The following PSD3 variants were observed in gnomAD, a reference collection of about 807,000 sequenced individuals.
PSD3 encodes pleckstrin and Sec7 domain containing 3, also known as PH and SEC7 domain-containing protein 3.
A neutral mutation model predicts 105.5 loss-of-function variants in PSD3; 49 were observed. The ratio of observed to expected loss-of-function variants is 0.46; its 90% CI spans 0.37 to 0.59. PSD3 has a LOEUF of 0.59. Among genes scored for constraint, PSD3 ranks in the 20% least tolerant of loss-of-function variants. The probability of loss-of-function intolerance (pLI) is 0.00; values close to 1 mark genes in which losing one functional copy is unlikely to be tolerated. For synonymous variants in PSD3, 557 were observed against 457.8 expected (o/e 1.22, Z -2.77); for missense variants, 1,561 against 1,263.8 (o/e 1.24, Z -3.57).
chr8:18,986,528 T>C (rs537008744), intron 1 of PSD3, among the ~76,000 whole-genome samples: 47 of 145,748 alleles, frequency 3.2e-4, no homozygotes, highest in African/African-American at 1.0e-3. Flanking sequence ...AGGAAGTCCA[T>C]AAGCTCTTTC....
intron 2 of PSD3, among the ~76,000 whole-genome samples, chr8:18,933,615 A>G (rs1165135978): frequency 2.0e-5 from 3 of 152,044 alleles, no homozygotes; most frequent in African/African-American, 7.3e-5. Context: ...TTACAGGCAC[A>G]TGTCACCATG....
intron 8 of PSD3, among the ~76,000 whole-genome samples, chr8:18,767,077 G>A (rs763141094): frequency 7.2e-5 from 11 of 152,194 alleles, no homozygotes; most frequent in Non-Finnish European, 1.3e-4. Context: ...CACAGCCTCT[G>A]TTCGCAAAAC....
At chr8:18,719,024 T>C (rs1289509446) in intron 9 of PSD3, among the ~76,000 whole-genome samples, 3 of 152,204 alleles carry the variant, frequency 2.0e-5, no homozygotes, top group African/African-American at 7.2e-5. Context: ...TTAAAGAATG[T>C]AAGTGATAAC....
chr8:18,795,120 C>T (rs1320033716), intron 8 of PSD3, among the ~76,000 whole-genome samples: 4 of 152,094 alleles, frequency 2.6e-5, no homozygotes, highest in Admixed American at 6.6e-5. Flanking sequence ...TGTGACAAAA[C>T]CTAAACATAC....
chr8:18,893,623 A>C (rs901945672), intron 2 of PSD3, among the ~76,000 whole-genome samples: 1 of 152,030 alleles, frequency 6.6e-6, no homozygotes, highest in East Asian at 1.9e-4. Flanking sequence ...GCTAGAGGGC[A>C]GGGAAGCAGG....
chr8:18,746,438 C>T (rs1261713652), intron 9 of PSD3, among the ~76,000 whole-genome samples: 4 of 152,236 alleles, frequency 2.6e-5, no homozygotes, highest in Admixed American at 6.5e-5. Context: ...TCTAAGAGTT[C>T]GGAAACACCA....
At chr8:18,565,939 C>T (rs1159646466) in intron 14 of PSD3, among the ~76,000 whole-genome samples, 2 of 152,016 alleles carry the variant, frequency 1.3e-5, no homozygotes, top group African/African-American at 2.4e-5. Context: ...TTCACAGAGG[C>T]CCTCACGACA....
chr8:18,727,592 A>G (rs974762084), intron 9 of PSD3, among the ~76,000 whole-genome samples: 4 of 139,794 alleles, frequency 2.9e-5, no homozygotes, highest in Admixed American at 1.5e-4. Context: ...ACGCACGCAC[A>G]CACACACCCC....
At chr8:18,718,193 G>A (rs1802724040) in intron 9 of PSD3, among the ~76,000 whole-genome samples, 1 of 152,194 alleles carries the variant, frequency 6.6e-6, no homozygotes, top group East Asian at 1.9e-4. Flanking sequence ...CCCTCAACAA[G>A]GTTACCTTGT....
At chr8:18,552,268 C>G (rs1800812641) in intron 15 of PSD3, among the ~76,000 whole-genome samples, 1 of 152,170 alleles carries the variant, frequency 6.6e-6, no homozygotes, top group Non-Finnish European at 1.5e-5. Flanking sequence ...TTCCCTCTCC[C>G]TACTCAGGTC....
intron 15 of PSD3, among the ~76,000 whole-genome samples, chr8:18,541,819 C>G (rs983898593): frequency 6.6e-6 from 1 of 150,958 alleles, no homozygotes; most frequent in African/African-American, 2.4e-5. Flanking sequence ...GGGGCGATCT[C>G]GGCTCACTGC....
intron 4 of PSD3, among the ~76,000 whole-genome samples, chr8:18,866,032 G>A (rs1435422183): frequency 1.3e-5 from 2 of 152,132 alleles, no homozygotes; most frequent in African/African-American, 4.8e-5. Flanking sequence ...CACTCCCTGT[G>A]GCTTTTGCAG....
At chr8:19,016,775 G>A (rs1283746126), upstream of PSD3, among the ~76,000 whole-genome samples, 1 of 152,198 alleles carries the variant, frequency 6.6e-6, no homozygotes, top group Non-Finnish European at 1.5e-5. Flanking sequence ...TGGTGAGGGT[G>A]GTTCCATGGT....
chr8:18,812,652 A>C (rs1811794437), intron 4 of PSD3, among the ~76,000 whole-genome samples: 1 of 152,164 alleles, frequency 6.6e-6, no homozygotes, highest in South Asian at 2.1e-4. Flanking sequence ...CCAAGACATG[A>C]AAGACCAAAG....
chr8:18,730,636 G>A (rs775283356), intron 9 of PSD3, among the ~76,000 whole-genome samples: 1 of 152,096 alleles, frequency 6.6e-6, no homozygotes, highest in East Asian at 1.9e-4. Context: ...GATACTGTAC[G>A]CTATACACTG....
intron 4 of PSD3, among the ~76,000 whole-genome samples, chr8:18,815,957 G>C (rs760311207): frequency 2.0e-5 from 3 of 152,262 alleles, no homozygotes. Context: ...AAAGAGGAAA[G>C]AATTAGTACC....
intron 2 of PSD3, among the ~76,000 whole-genome samples, chr8:18,930,346 C>G (rs537366960): frequency 6.6e-6 from 1 of 152,126 alleles, no homozygotes; most frequent in Admixed American, 6.5e-5. Context: ...TATTTTGAAA[C>G]GCACACTGCA....
intron 1 of PSD3, among the ~76,000 whole-genome samples, chr8:18,984,255 T>C (rs765695931): frequency 5.3e-5 from 8 of 151,532 alleles, no homozygotes; most frequent in Non-Finnish European, 1.2e-4. Context: ...TATGCCTACA[T>C]GTTTACAATA....
At chr8:18,851,253 A>G (rs567919541) in intron 4 of PSD3, among the ~76,000 whole-genome samples, 10 of 152,354 alleles carry the variant, frequency 6.6e-5, no homozygotes, top group Admixed American at 2.0e-4. Context: ...AGTCTTACCC[A>G]AAGTCATAGC....
Sources: allele counts gnomAD v4.1 joint callset (sites outside exome capture counted in the v4.1 genomes callset), GRCh38; gene constraint gnomAD v4.1.1; transcripts MANE v1.5; gene names NCBI Gene and HGNC (gene_info 2026-07-23, HGNC 2026-07-21).